ADGRL2: variants seen among roughly 807,000 people sequenced by gnomAD.
The protein encoded by ADGRL2 is adhesion G protein-coupled receptor L2.
A neutral mutation model predicts 157.4 loss-of-function variants in ADGRL2; 44 were observed. The ratio of observed to expected loss-of-function variants is 0.28; its 90% CI spans 0.22 to 0.36. The LOEUF is 0.36. ADGRL2 is among the 10% of genes least tolerant of loss of function. The probability of loss-of-function intolerance (pLI) is 1.00; values close to 1 mark genes in which losing one functional copy is unlikely to be tolerated. For missense variants in ADGRL2, 1,510 were observed against 1,768.9 expected, an observed-to-expected ratio of 0.85 and a Z score of 2.63; for synonymous variants, 585 against 624.7, an observed-to-expected ratio of 0.94 and a Z score of 0.95.
chr1:81,572,652 A>G (rs1432150799), intron 2 of ADGRL2, among the ~76,000 whole-genome samples: 1 of 152,164 alleles, frequency 6.6e-6, no homozygotes. Flanking sequence ...CCATTACTGG[A>G]ATATACTGCT....
At chr1:81,495,453 A>G (rs1041493250) in intron 2 of ADGRL2, among the ~76,000 whole-genome samples, 8 of 152,196 alleles carry the variant, frequency 5.3e-5, no homozygotes, top group African/African-American at 1.9e-4. Flanking sequence ...AATGTTTCAC[A>G]TTTCTAATTA....
intron 1 of ADGRL2, among the ~76,000 whole-genome samples, chr1:81,416,323 A>AAAAAG (rs1239875893): frequency 9.9e-5 from 15 of 151,166 alleles, no homozygotes; most frequent in South Asian, 6.2e-4. Context: ...TTGCAAAAAA[A>AAAAAG]AAAAGAAAAG....
At chr1:81,454,691 A>G (rs900933189) in intron 2 of ADGRL2, among the ~76,000 whole-genome samples, 2 of 152,206 alleles carry the variant, frequency 1.3e-5, no homozygotes, top group Admixed American at 1.3e-4. Flanking sequence ...TCAATCGACT[A>G]CGAACTTGAA....
At chr1:81,676,787 C>T (rs985600898) in intron 3 of ADGRL2, among the ~76,000 whole-genome samples, 2 of 150,888 alleles carry the variant, frequency 1.3e-5, no homozygotes, top group African/African-American at 2.4e-5. Flanking sequence ...CCCAGGTTCA[C>T]GTCATTCTCC....
intron 1 of ADGRL2, among the ~76,000 whole-genome samples, chr1:81,823,154 C>G (rs973370723): frequency 6.6e-6 from 1 of 151,444 alleles, no homozygotes; most frequent in Non-Finnish European, 1.5e-5. Flanking sequence ...AACTTTCTTA[C>G]ACCAACAAGC....
chr1:81,341,324 A>G (rs1208465851), intron 1 of ADGRL2, among the ~76,000 whole-genome samples: 3 of 152,210 alleles, frequency 2.0e-5, no homozygotes, highest in South Asian at 2.1e-4. Flanking sequence ...CAGCAAAGAT[A>G]GTTTAAAAGA....
chr1:81,634,250 A>C (rs2082071167), intron 3 of ADGRL2, among the ~76,000 whole-genome samples: 1 of 152,176 alleles, frequency 6.6e-6, no homozygotes, highest in African/African-American at 2.4e-5. Flanking sequence ...AGACTACTAC[A>C]AAAGCTTCCT....
At chr1:81,503,319 C>T in intron 2 of ADGRL2, 2 of 1,614,132 alleles carry the variant, frequency 1.2e-6, no homozygotes, top group Non-Finnish European at 1.7e-6. Flanking sequence ...TGCTGTTTGC[C>T]CAGAAGCCTG....
chr1:81,900,246 A>T (rs1363277753), intron 2 of ADGRL2, among the ~76,000 whole-genome samples: 1 of 152,186 alleles, frequency 6.6e-6, no homozygotes, highest in East Asian at 1.9e-4. Flanking sequence ...GTCAACAACA[A>T]CCATTTTGGG....
chr1:81,765,800 A>G (rs2086097171), intron 2 of ADGRL2, among the ~76,000 whole-genome samples: 1 of 152,116 alleles, frequency 6.6e-6, no homozygotes, highest in Non-Finnish European at 1.5e-5. Flanking sequence ...TATTTCATTA[A>G]GGACAAAAGC....
At chr1:81,617,317 C>T (rs559554177) in intron 3 of ADGRL2, among the ~76,000 whole-genome samples, 17 of 152,286 alleles carry the variant, frequency 1.1e-4, no homozygotes, top group African/African-American at 3.1e-4. Context: ...ACAATTTCAT[C>T]GCAAAACTAT....
At chr1:81,815,168 A>G (rs1216963375) in intron 1 of ADGRL2, among the ~76,000 whole-genome samples, 1 of 151,808 alleles carries the variant, frequency 6.6e-6, no homozygotes, top group Non-Finnish European at 1.5e-5. Flanking sequence ...TGGTTTAGAA[A>G]ATTTATTAAT....
chr1:81,529,377 T>A (rs2079547309), intron 2 of ADGRL2, among the ~76,000 whole-genome samples: 1 of 152,210 alleles, frequency 6.6e-6, no homozygotes, highest in Non-Finnish European at 1.5e-5. Context: ...AGGATAAAGT[T>A]GGTGCTAGTA....
At chr1:81,756,092 A>G (rs1330463293) in intron 1 of ADGRL2, among the ~76,000 whole-genome samples, 1 of 152,162 alleles carries the variant, frequency 6.6e-6, no homozygotes, top group African/African-American at 2.4e-5. Flanking sequence ...AAGAAGAATT[A>G]AATCTTTTCA....
chr1:81,983,682 T>C (rs1220471210), intron 19 of ADGRL2, among the ~76,000 whole-genome samples: 3 of 152,020 alleles, frequency 2.0e-5, no homozygotes, highest in African/African-American at 7.2e-5. Context: ...CAAGAAAACA[T>C]GTATATGCCA....
intron 11 of ADGRL2, among the ~76,000 whole-genome samples, chr1:81,962,602 A>T (rs1204830510): frequency 6.6e-6 from 1 of 152,018 alleles, no homozygotes; most frequent in East Asian, 1.9e-4. Context: ...GTTTATAAGG[A>T]TCTTATACTT....
intron 23 of ADGRL2, 189 bp from the exon 24 acceptor site, chr1:81,990,202 T>G (rs1664310805): frequency 2.0e-6 from 2 of 985,058 alleles, no homozygotes; most frequent in Non-Finnish European, 2.4e-6. Context: ...TTTTTAACAC[T>G]TTTTCCTGTT....
intron 2 of ADGRL2, among the ~76,000 whole-genome samples, chr1:81,477,436 G>C (rs1230371663): frequency 6.6e-6 from 1 of 152,172 alleles, no homozygotes; most frequent in Non-Finnish European, 1.5e-5. Context: ...GAAATTACAT[G>C]AATATAGATT....
chr1:81,851,877 C>A (rs187609855), intron 2 of ADGRL2, among the ~76,000 whole-genome samples: 72 of 151,648 alleles, frequency 4.7e-4, no homozygotes, highest in African/African-American at 1.7e-3. Context: ...GTAGTAAATT[C>A]TATGTTTAGT....
Sources: allele counts gnomAD v4.1 joint callset (sites outside exome capture counted in the v4.1 genomes callset), GRCh38; gene constraint gnomAD v4.1.1; transcripts MANE v1.5; gene names NCBI Gene and HGNC (gene_info 2026-07-23, HGNC 2026-07-21).